PIP5K1B: variants seen among roughly 807,000 people sequenced by gnomAD.
PIP5K1B encodes phosphatidylinositol 4-phosphate 5-kinase type-1 beta.
PIP5K1B carries 42 observed loss-of-function variants against 67.0 expected under a neutral mutation model. The ratio of observed to expected loss-of-function variants is 0.63; its 90% CI spans 0.49 to 0.81. The LOEUF (loss-of-function observed/expected upper bound fraction) is 0.81. PIP5K1B is among the 30% of genes least tolerant of loss of function. PIP5K1B has a pLI of 0.00. For missense variants in PIP5K1B, 459 were observed against 646.3 expected (o/e 0.71, Z 3.14); for synonymous variants, 214 against 231.4 (o/e 0.92, Z 0.68).
At chr9:68,792,059 C>CT (rs1380215137) in intron 2 of PIP5K1B, among the ~76,000 whole-genome samples, 4 of 152,202 alleles carry the variant, frequency 2.6e-5, no homozygotes, top group African/African-American at 9.7e-5. Flanking sequence ...CACATCTTTC[C>CT]TGATGGCCCC....
chr9:68,835,278 C>T (rs1347634535), intron 4 of PIP5K1B, among the ~76,000 whole-genome samples: 1 of 152,214 alleles, frequency 6.6e-6, no homozygotes, highest in South Asian at 2.1e-4. Context: ...ACAGACAGAA[C>T]ATTGGACCTT....
chr9:68,717,858 C>G (rs562311152), intron 1 of PIP5K1B, among the ~76,000 whole-genome samples: 7 of 152,246 alleles, frequency 4.6e-5, no homozygotes, highest in African/African-American at 1.7e-4. Flanking sequence ...TTTCATGAAA[C>G]AGTACTTAGC....
chr9:68,879,204 A>G (rs1789919977), intron 6 of PIP5K1B, among the ~76,000 whole-genome samples: 2 of 152,250 alleles, frequency 1.3e-5, no homozygotes, highest in South Asian at 4.1e-4. Flanking sequence ...TGAAATATCT[A>G]TGGATGAAAT....
intron 2 of PIP5K1B, among the ~76,000 whole-genome samples, chr9:68,759,161 T>C (rs1037197916): frequency 3.9e-5 from 6 of 152,056 alleles, no homozygotes; most frequent in East Asian, 1.9e-4. Flanking sequence ...GGCAGAAAAA[T>C]AGAAATGGTG....
chr9:68,896,399 A>G (rs963032162), intron 8 of PIP5K1B, among the ~76,000 whole-genome samples: 1 of 150,886 alleles, frequency 6.6e-6, no homozygotes, highest in Non-Finnish European at 1.5e-5. Flanking sequence ...GGATTTGTCT[A>G]TTTATTAGTG....
At chr9:68,975,920 C>G (rs1375778451) in intron 14 of PIP5K1B, among the ~76,000 whole-genome samples, 1 of 152,176 alleles carries the variant, frequency 6.6e-6, no homozygotes, top group African/African-American at 2.4e-5. Context: ...TCCACTATGA[C>G]CTCATCTTAA....
chr9:68,870,450 A>G (rs550256850), intron 5 of PIP5K1B, among the ~76,000 whole-genome samples: 1 of 152,280 alleles, frequency 6.6e-6, no homozygotes, highest in African/African-American at 2.4e-5. Flanking sequence ...TTGTTTTTCC[A>G]TTCATGAGCA....
At chr9:68,807,836 A>C (rs749074841) in intron 2 of PIP5K1B, among the ~76,000 whole-genome samples, 1 of 152,244 alleles carries the variant, frequency 6.6e-6, no homozygotes, top group African/African-American at 2.4e-5. Context: ...TGAATGAAAA[A>C]TGAGAAATAT....
intron 12 of PIP5K1B, among the ~76,000 whole-genome samples, chr9:68,933,693 T>C (rs1443713957): frequency 6.6e-6 from 1 of 152,206 alleles, no homozygotes; most frequent in Non-Finnish European, 1.5e-5. Context: ...AGATATGCAA[T>C]GTGAATGTTG....
chr9:68,822,700 T>C lies in PIP5K1B; in HGVS notation c.69+17T>C, dbSNP rs1460588642. On this transcript the variant is annotated intron_variant, in intron 4 of 15. Coordinates refer to ENST00000265382, the MANE Select transcript of PIP5K1B (RefSeq NM_003558.4). ...TATAAAAAGGTGAGTGTGCATTTTATTTTCTAAAGAGGAACACCGTTTTGC... is the reference window on the plus strand; with the variant it reads ...TATAAAAAGGTGAGTGTGCATTTTACTTTCTAAAGAGGAACACCGTTTTGC... 1 of 1,578,094 alleles carries C rather than the reference T, an allele frequency of 6.3e-7. No homozygotes were observed. The highest frequency in any genetic ancestry group is 8.7e-7 in the Non-Finnish European group (1 of 1,148,366).
rs756405050 is a variant in PIP5K1B at position 69,008,479 on chromosome 9, A to G, written c.*30A>G. On this transcript the variant is annotated 3_prime_UTR_variant, in exon 16 of 16. Transcript: ENST00000265382. ...AAATGGTGATCACCTAAGCACATGGATGAGACGTGAGCACAGTTATGGCAG... is the reference window on the plus strand; with the variant it reads ...AAATGGTGATCACCTAAGCACATGGGTGAGACGTGAGCACAGTTATGGCAG... The G allele has an allele frequency of 6.2e-7, 1 of 1,611,550 alleles. No individual in the cohort carries two copies. The highest frequency in any genetic ancestry group is 8.5e-7 in the Non-Finnish European group (1 of 1,177,624).
intron 1 of PIP5K1B, among the ~76,000 whole-genome samples, chr9:68,706,469 C>G (rs1039515245): frequency 6.6e-6 from 1 of 152,202 alleles, no homozygotes; most frequent in Non-Finnish European, 1.5e-5. Context: ...TTATCCCCCC[C>G]AACCCCCAGC....
rs1293407559 is a variant in PIP5K1B, at chr9:68,824,356, G to T, written c.69+1673G>T. ...AGTTTGCTAAGTGTACCCTGCCCAA[G>T]AATTTATTTAGTCAAGCAGGTTTTC... On this transcript the variant is annotated intron_variant, in intron 4 of 15. Coordinates refer to ENST00000265382, the MANE Select transcript of PIP5K1B (RefSeq NM_003558.4). 1.7e-5 allele frequency: 8 copies of T among 461,756 alleles called. No homozygotes were observed. The East Asian group carries it at 4.1e-4, about 23-fold the overall frequency. The allele number at this position is 461,756 out of a possible 1,614,324, so 28.6% of individuals were successfully genotyped here.
intron 12 of PIP5K1B, among the ~76,000 whole-genome samples, chr9:68,927,124 T>G (rs1826750050): frequency 1.3e-5 from 2 of 152,266 alleles, no homozygotes; most frequent in Admixed American, 6.5e-5. Context: ...ATTCTTTTTA[T>G]TGCAGAATAT....
chr9:68,755,685 T>TCCAA (rs1829891765), intron 2 of PIP5K1B, among the ~76,000 whole-genome samples: 1 of 152,220 alleles, frequency 6.6e-6, no homozygotes, highest in Non-Finnish European at 1.5e-5. Flanking sequence ...ATCACATGTG[T>TCCAA]TTTTCCTAGA....
At chr9:68,869,687 G>T (rs1823537305) in intron 5 of PIP5K1B, among the ~76,000 whole-genome samples, 2 of 152,192 alleles carry the variant, frequency 1.3e-5, no homozygotes. Context: ...TATAGAAAAA[G>T]ATTGCCAAGG....
At chr9:68,735,513 C>T (rs965734990) in intron 1 of PIP5K1B, among the ~76,000 whole-genome samples, 3 of 151,860 alleles carry the variant, frequency 2.0e-5, no homozygotes, top group African/African-American at 7.3e-5. Flanking sequence ...CTTAGCCTCC[C>T]AAGTAGCTGG....
intron 6 of PIP5K1B, among the ~76,000 whole-genome samples, chr9:68,877,356 C>T (rs1445506207): frequency 6.6e-6 from 1 of 152,220 alleles, no homozygotes; most frequent in Non-Finnish European, 1.5e-5. Flanking sequence ...GAGGTACAGA[C>T]ACAACAGCCT....
chr9:68,884,892 C>T (rs909641106), intron 6 of PIP5K1B, among the ~76,000 whole-genome samples: 1 of 152,136 alleles, frequency 6.6e-6, no homozygotes, highest in African/African-American at 2.4e-5. Context: ...TTTTGGAAAA[C>T]AGTAGGGAGG....
Sources: gnomAD v4.1 joint callset for allele counts (sites outside exome capture counted in the v4.1 genomes callset) on GRCh38, gnomAD v4.1.1 for gene constraint, MANE v1.5 for transcripts, NCBI Gene and HGNC (gene_info 2026-07-23, HGNC 2026-07-21) for gene names.